Variants in AGBL4 observed in about 807,000 individuals in gnomAD.
The protein encoded by AGBL4 is cytosolic carboxypeptidase 6.
In AGBL4, 58 loss-of-function variants were observed where a neutral mutation model predicts 66.4. That is an observed-to-expected ratio of 0.87 (90% CI 0.71 to 1.09). The LOEUF (loss-of-function observed/expected upper bound fraction) is 1.09. AGBL4 is among the 50% of genes least tolerant of loss of function. The probability of loss-of-function intolerance (pLI) is 0.00; values close to 1 mark genes in which losing one functional copy is unlikely to be tolerated. For missense variants in AGBL4, 579 were observed against 631.0 expected (o/e 0.92, Z 0.88); for synonymous variants, 234 against 222.9 (o/e 1.05, Z -0.44).
chr1:49,453,099 G>A (rs776833106), intron 3 of AGBL4, among the ~76,000 whole-genome samples: 6 of 151,870 alleles, frequency 4.0e-5, no homozygotes, highest in Non-Finnish European at 7.4e-5. Context: ...ATGAATGAAA[G>A]GCAAATGACT....
intron 9 of AGBL4, among the ~76,000 whole-genome samples, chr1:48,591,975 A>G (rs1416279009): frequency 1.3e-5 from 2 of 152,222 alleles, no homozygotes; most frequent in African/African-American, 4.8e-5. Context: ...ATTGCTCCAC[A>G]TACTGTAATG....
intron 6 of AGBL4, among the ~76,000 whole-genome samples, chr1:48,664,950 ATT>A (rs564474462): frequency 8.3e-4 from 126 of 152,348 alleles, no homozygotes; most frequent in African/African-American, 3.0e-3. Context: ...AATAGAAATA[ATT>A]AATAGGATTT....
intron 3 of AGBL4, among the ~76,000 whole-genome samples, chr1:49,342,227 G>A (rs913133169): frequency 2.6e-5 from 4 of 152,266 alleles, no homozygotes; most frequent in Non-Finnish European, 4.4e-5. Flanking sequence ...GTCACTGCTT[G>A]TCTCTTCTGC....
At chr1:49,426,737 G>A (rs1645668797) in intron 3 of AGBL4, among the ~76,000 whole-genome samples, 1 of 152,172 alleles carries the variant, frequency 6.6e-6, no homozygotes, top group Non-Finnish European at 1.5e-5. Flanking sequence ...GAAACTGAGA[G>A]TCAGGAGGAT....
chr1:48,840,026 T>C (rs549714370), intron 6 of AGBL4, among the ~76,000 whole-genome samples: 2 of 152,292 alleles, frequency 1.3e-5, no homozygotes, highest in Non-Finnish European at 2.9e-5. Flanking sequence ...TGAGGGTATA[T>C]AGCTGCTCTT....
intron 12 of AGBL4, among the ~76,000 whole-genome samples, chr1:48,536,739 G>A (rs781732279): frequency 7.9e-5 from 12 of 152,216 alleles, no homozygotes; most frequent in Non-Finnish European, 1.5e-4. Context: ...CCACACTCAT[G>A]CTCTGTTTAC....
At chr1:49,936,984 T>A (rs1196144108) in intron 1 of AGBL4, among the ~76,000 whole-genome samples, 2 of 152,126 alleles carry the variant, frequency 1.3e-5, no homozygotes, top group East Asian at 1.9e-4. Context: ...AATTCACACA[T>A]AACAATATTA....
intron 6 of AGBL4, among the ~76,000 whole-genome samples, chr1:48,856,988 C>CA (rs1265506094): frequency 6.6e-6 from 1 of 152,100 alleles, no homozygotes; most frequent in African/African-American, 2.4e-5. Flanking sequence ...GTGAAAAAGA[C>CA]AAAGGATTTA....
intron 6 of AGBL4, chr1:48,818,366 A>G (rs893534723): frequency 1.5e-6 from 1 of 678,522 alleles, no homozygotes. Flanking sequence ...GAAACATTGC[A>G]CTAAGTGACT....
At chr1:49,445,006 C>T (rs1323367269) in intron 3 of AGBL4, among the ~76,000 whole-genome samples, 1 of 151,400 alleles carries the variant, frequency 6.6e-6, no homozygotes, top group Non-Finnish European at 1.5e-5. Flanking sequence ...CCCTTCATTT[C>T]CAGGTTTAGG....
intron 3 of AGBL4, among the ~76,000 whole-genome samples, chr1:49,531,831 C>T (rs1217170439): frequency 6.6e-6 from 1 of 152,038 alleles, no homozygotes; most frequent in African/African-American, 2.4e-5. Flanking sequence ...CATCTCACCC[C>T]ATAAGAGGCT....
At chr1:49,721,493 A>G (rs551150127) in intron 2 of AGBL4, among the ~76,000 whole-genome samples, 4 of 152,166 alleles carry the variant, frequency 2.6e-5, no homozygotes, top group Non-Finnish European at 5.9e-5. Context: ...TAGTATGGCC[A>G]GAGTCCAATA....
chr1:49,271,007 T>C (rs749717985), intron 3 of AGBL4, among the ~76,000 whole-genome samples: 55 of 152,170 alleles, frequency 3.6e-4, no homozygotes, highest in Non-Finnish European at 7.4e-4. Flanking sequence ...GGGTTTCCTA[T>C]GGGATTCGCA....
intron 3 of AGBL4, among the ~76,000 whole-genome samples, chr1:49,590,551 T>C (rs1294418901): frequency 1.3e-5 from 2 of 152,084 alleles, no homozygotes; most frequent in Non-Finnish European, 2.9e-5. Context: ...AGTTATTCTC[T>C]ACTTCTCTTA....
chr1:49,411,387 A>G (rs1454684801), intron 3 of AGBL4, among the ~76,000 whole-genome samples: 2 of 152,210 alleles, frequency 1.3e-5, no homozygotes, highest in Admixed American at 1.3e-4. Flanking sequence ...CACTGAGGGT[A>G]GGTCTTCCTC....
intron 3 of AGBL4, among the ~76,000 whole-genome samples, chr1:49,330,145 G>A (rs1469488468): frequency 1.3e-5 from 2 of 152,228 alleles, no homozygotes; most frequent in Non-Finnish European, 2.9e-5. Flanking sequence ...GCCAGACATG[G>A]TGGCTTCGCA....
chr1:49,781,452 A>T (rs1393844922), intron 2 of AGBL4, among the ~76,000 whole-genome samples: 3 of 152,152 alleles, frequency 2.0e-5, no homozygotes, highest in Non-Finnish European at 4.4e-5. Flanking sequence ...TATATATAAT[A>T]TATGCACATA....
At chr1:49,885,113 C>A (rs1374607368) in intron 1 of AGBL4, among the ~76,000 whole-genome samples, 1 of 151,882 alleles carries the variant, frequency 6.6e-6, no homozygotes, top group South Asian at 2.1e-4. Context: ...TTAAAACTGA[C>A]CTTTTTATAT....
intron 2 of AGBL4, among the ~76,000 whole-genome samples, chr1:49,824,924 T>G (rs998317938): frequency 1.3e-5 from 2 of 152,210 alleles, no homozygotes; most frequent in Non-Finnish European, 2.9e-5. Context: ...CTCTTCTGAA[T>G]CTGAGCTATT....
Sources: gnomAD v4.1 joint callset for allele counts (sites outside exome capture counted in the v4.1 genomes callset) on GRCh38, gnomAD v4.1.1 for gene constraint, MANE v1.5 for transcripts, NCBI Gene and HGNC (gene_info 2026-07-23, HGNC 2026-07-21) for gene names.